The following RANBP17 variants were observed in gnomAD, a reference collection of about 807,000 sequenced individuals.
The protein encoded by RANBP17 is RAN binding protein 17.
A neutral mutation model predicts 141.2 loss-of-function variants in RANBP17; 158 were observed. The observed-to-expected ratio is 1.12, with a 90% CI of 0.98 to 1.28. RANBP17 has a LOEUF of 1.28. Among genes scored for constraint, RANBP17 ranks in the 50% most tolerant of loss-of-function variants. The pLI, the probability that RANBP17 is intolerant of heterozygous loss-of-function variation, is 0.00. For synonymous variants in RANBP17, 430 were observed against 450.0 expected, an observed-to-expected ratio of 0.96 and a Z score of 0.56; for missense variants, 1,438 against 1,290.7, an observed-to-expected ratio of 1.11 and a Z score of -1.75.
At chr5:170,867,771 A>C (rs1044973549) in intron 1 of RANBP17, among the ~76,000 whole-genome samples, 1 of 152,182 alleles carries the variant, frequency 6.6e-6, no homozygotes, top group Non-Finnish European at 1.5e-5. Context: ...TTGATAATAA[A>C]ATGTGTGTAA....
chr5:170,882,365 C>T (rs1768781073), intron 3 of RANBP17, among the ~76,000 whole-genome samples: 2 of 152,122 alleles, frequency 1.3e-5, no homozygotes, highest in Non-Finnish European at 2.9e-5. Flanking sequence ...CAGATGTGAA[C>T]CATCATGCCC....
intron 25 of RANBP17, among the ~76,000 whole-genome samples, chr5:171,292,576 G>A (rs1470535960): frequency 2.6e-5 from 4 of 152,216 alleles, no homozygotes; most frequent in Non-Finnish European, 5.9e-5. Flanking sequence ...CCCAGTAAGG[G>A]ATGGTGTGTG....
chr5:171,157,370 T>C (rs1758981910), intron 14 of RANBP17, among the ~76,000 whole-genome samples: 1 of 152,238 alleles, frequency 6.6e-6, no homozygotes, highest in Non-Finnish European at 1.5e-5. Context: ...AGTTGACTCA[T>C]TCATTAACTA....
chr5:171,043,966 G>A (rs543644341), intron 14 of RANBP17, among the ~76,000 whole-genome samples: 1 of 152,144 alleles, frequency 6.6e-6, no homozygotes, highest in South Asian at 2.1e-4. Flanking sequence ...CTTATACAGA[G>A]GCAAATAGAA....
chr5:170,939,885 A>T (rs1393458039), intron 12 of RANBP17, among the ~76,000 whole-genome samples: 2 of 152,204 alleles, frequency 1.3e-5, no homozygotes, highest in Admixed American at 6.5e-5. Flanking sequence ...CAAGGGTAAC[A>T]ACTAAAAGAG....
intron 14 of RANBP17, among the ~76,000 whole-genome samples, chr5:171,002,548 T>A (rs1431857800): frequency 1.3e-5 from 2 of 152,064 alleles, no homozygotes; most frequent in African/African-American, 2.4e-5. Context: ...TATAACAGCA[T>A]GGTGGTGCAG....
chr5:171,135,669 T>C (rs1353186733), intron 14 of RANBP17, among the ~76,000 whole-genome samples: 1 of 152,202 alleles, frequency 6.6e-6, no homozygotes, highest in Non-Finnish European at 1.5e-5. Context: ...CCTTTGTCCT[T>C]GGTTAAAAAA....
intron 14 of RANBP17, among the ~76,000 whole-genome samples, chr5:171,081,941 TAAATG>T (rs1375366757): frequency 2.0e-5 from 3 of 152,154 alleles, no homozygotes; most frequent in African/African-American, 7.2e-5. Context: ...AAAACTGAAA[TAAATG>T]AAATGACCTG....
chr5:170,916,210 A>G (rs1581137356), intron 8 of RANBP17, among the ~76,000 whole-genome samples: 1 of 31,994 alleles, frequency 3.1e-5, no homozygotes. Context: ...TTGCATTATA[A>G]TGCGTTATAT....
chr5:171,183,117 A>G, intron 16 of RANBP17, 50 bp from the exon 17 acceptor site: 1 of 973,026 alleles, frequency 1.0e-6, no homozygotes, highest in Non-Finnish European at 1.6e-6. Flanking sequence ...GTGATTTATT[A>G]CATACTGATA....
At chr5:170,863,487 T>C (rs902153551) in intron 1 of RANBP17, 1 of 152,188 alleles carries the variant, frequency 6.6e-6, no homozygotes, top group African/African-American at 2.4e-5. Context: ...TAGAATGTTA[T>C]GTAGTAAGCC....
chr5:171,285,049 G>C (rs1768078815), intron 25 of RANBP17, among the ~76,000 whole-genome samples: 2 of 152,114 alleles, frequency 1.3e-5, no homozygotes, highest in African/African-American at 4.8e-5. Flanking sequence ...CCACTCAAAA[G>C]GTCTTTTTCA....
chr5:170,946,529 G>A (rs1174775511), intron 12 of RANBP17, among the ~76,000 whole-genome samples: 2 of 152,138 alleles, frequency 1.3e-5, no homozygotes, highest in African/African-American at 4.8e-5. Flanking sequence ...TGGTAGTTAT[G>A]TTATATAAAG....
chr5:171,168,854 C>A (rs1214176428), intron 14 of RANBP17, among the ~76,000 whole-genome samples: 1 of 152,048 alleles, frequency 6.6e-6, no homozygotes, highest in Non-Finnish European at 1.5e-5. Context: ...TTCTCTCTCT[C>A]TCTCTCTCTT....
At chr5:170,898,140 G>A (rs1486975287) in intron 5 of RANBP17, among the ~76,000 whole-genome samples, 3 of 152,040 alleles carry the variant, frequency 2.0e-5, no homozygotes, top group Non-Finnish European at 2.9e-5. Flanking sequence ...TATGAATCTG[G>A]GTGCCTCTGT....
At chr5:171,158,254 C>A (rs1759041665) in intron 14 of RANBP17, 2 of 176,252 alleles carry the variant, frequency 1.1e-5, no homozygotes, top group Admixed American at 1.3e-4. Context: ...ATTTTTATCT[C>A]CCCATAATGT....
chr5:170,995,903 G>T (rs1778788074), intron 14 of RANBP17, among the ~76,000 whole-genome samples: 1 of 152,072 alleles, frequency 6.6e-6, no homozygotes, highest in Non-Finnish European at 1.5e-5. Context: ...CATGTGCCTT[G>T]TAGTTCCAGA....
At chr5:171,025,314 A>G (rs1781162101) in intron 14 of RANBP17, among the ~76,000 whole-genome samples, 1 of 152,168 alleles carries the variant, frequency 6.6e-6, no homozygotes, top group Admixed American at 6.5e-5. Context: ...TCCATGGTTT[A>G]TAGAGTCCAC....
chr5:171,266,764 T>C (rs1377629152), intron 25 of RANBP17, among the ~76,000 whole-genome samples: 1 of 151,794 alleles, frequency 6.6e-6, no homozygotes, highest in Non-Finnish European at 1.5e-5. Flanking sequence ...ATACAAAAAT[T>C]AGCCAGGCGT....
Sources: gnomAD v4.1 joint callset for allele counts (sites outside exome capture counted in the v4.1 genomes callset) on GRCh38, gnomAD v4.1.1 for gene constraint, MANE v1.5 for transcripts, NCBI Gene and HGNC (gene_info 2026-07-23, HGNC 2026-07-21) for gene names.